FBXL7: variants seen among roughly 807,000 people sequenced by gnomAD.
FBXL7 encodes F-box/LRR-repeat protein 7.
FBXL7 carries 12 observed loss-of-function variants against 38.3 expected under a neutral mutation model. The observed-to-expected ratio is 0.31, with a 90% CI of 0.20 to 0.51. FBXL7 has a LOEUF of 0.51. Ranked by LOEUF, FBXL7 falls within the 20% of genes least tolerant of loss-of-function variation. FBXL7 has a pLI of 0.98. For missense variants in FBXL7, 567 were observed against 676.4 expected (o/e 0.84, Z 1.79); for synonymous variants, 297 against 300.9 (o/e 0.99, Z 0.13).
intron 2 of FBXL7, among the ~76,000 whole-genome samples, chr5:15,634,507 G>A (rs535536583): frequency 5.2e-5 from 4 of 77,110 alleles, no homozygotes; most frequent in Admixed American, 1.3e-4. Flanking sequence ...TTTTTAGTTG[G>A]GGGGGGGGTT....
intron 1 of FBXL7, among the ~76,000 whole-genome samples, chr5:15,529,167 A>G (rs766746374): frequency 6.6e-6 from 1 of 152,172 alleles, no homozygotes; most frequent in Admixed American, 6.5e-5. Flanking sequence ...GAGATCATGC[A>G]ATATTTGTCT....
intron 1 of FBXL7, among the ~76,000 whole-genome samples, chr5:15,535,487 A>G (rs893049419): frequency 2.6e-5 from 4 of 152,216 alleles, no homozygotes; most frequent in African/African-American, 9.6e-5. Flanking sequence ...CTTATTGTGA[A>G]CTGGAGTAAA....
At chr5:15,600,120 A>G (rs908887401) in intron 1 of FBXL7, among the ~76,000 whole-genome samples, 2 of 152,334 alleles carry the variant, frequency 1.3e-5, no homozygotes, top group South Asian at 4.1e-4. Context: ...AGGATTATCC[A>G]AGGGTGGTGT....
At position 15,764,105 on chromosome 5, in the gene FBXL7, A is replaced by G. The variant is rs138074557; in HGVS notation, c.127+148033A>G. Reference sequence around the variant, plus strand: ...CAGACAGACTCAAAAAAGCTTTACTATTTATCTGGGTATCTCCTAGTCCAG... The same window carrying G: ...CAGACAGACTCAAAAAAGCTTTACTGTTTATCTGGGTATCTCCTAGTCCAG... On this transcript the variant is annotated intron_variant, in intron 2 of 3. Coordinates refer to ENST00000504595, the MANE Select transcript of FBXL7 (RefSeq NM_012304.5). Among the ~76,000 whole-genome samples, 1,007 of 152,282 alleles carry G rather than the reference A, an allele frequency of 6.6e-3. 12 individuals carry two copies. The highest frequency in any genetic ancestry group is 0.023 in the African/African-American group (950 of 41,556).
Position 15,616,075 on chromosome 5 carries a change from A to G in FBXL7, c.127+3A>G, listed in dbSNP as rs1740441322. On this transcript the variant is annotated splice_donor_region_variant and intron_variant, in intron 2 of 3. Coordinates refer to ENST00000504595, the MANE Select transcript of FBXL7 (RefSeq NM_012304.5). ...GAAGAATGTGGCTACCAGCGAAGGT[A>G]GGCAGCTGGTCTTCATTATCTCTCT... 1 of 1,603,414 alleles carries G rather than the reference A, an allele frequency of 6.2e-7. No individual in the cohort carries two copies. Among genetic ancestry groups the G allele is most frequent in the South Asian group, 1.1e-5 (1 of 90,786 alleles).
chr5:15,738,310 G>A (rs537020023), intron 2 of FBXL7, among the ~76,000 whole-genome samples: 36 of 152,280 alleles, frequency 2.4e-4, no homozygotes, highest in African/African-American at 7.7e-4. Context: ...TGCTTTATGA[G>A]CAACACAGTG....
intron 2 of FBXL7, among the ~76,000 whole-genome samples, chr5:15,863,146 C>T (rs972462330): frequency 5.9e-5 from 9 of 152,248 alleles, no homozygotes; most frequent in East Asian, 1.9e-4. Flanking sequence ...AGGTAGCAGA[C>T]GTCCACTCTA....
At chr5:15,540,351 ATTC>A (rs958276785) in intron 1 of FBXL7, among the ~76,000 whole-genome samples, 16 of 152,262 alleles carry the variant, frequency 1.1e-4, no homozygotes, top group African/African-American at 3.8e-4. Flanking sequence ...TTGTTTGTTC[ATTC>A]TTCTAAGACA....
chr5:15,788,229 C>T (rs180763185), intron 2 of FBXL7, among the ~76,000 whole-genome samples: 29 of 152,226 alleles, frequency 1.9e-4, no homozygotes, highest in Non-Finnish European at 3.2e-4. Context: ...ATTCTGTTTC[C>T]AAAGAAGGTC....
chr5:15,710,865 G>A (rs1040518024), intron 2 of FBXL7, among the ~76,000 whole-genome samples: 1 of 152,110 alleles, frequency 6.6e-6, no homozygotes, highest in Non-Finnish European at 1.5e-5. Flanking sequence ...ACCTGGAGGG[G>A]AGTGATATGG....
chr5:15,722,042 C>T (rs1744209298), intron 2 of FBXL7, among the ~76,000 whole-genome samples: 1 of 152,092 alleles, frequency 6.6e-6, no homozygotes. Context: ...ATCATATTGG[C>T]CAGGCTGGTC....
At chr5:15,672,177 TC>T (rs1211177134) in intron 2 of FBXL7, among the ~76,000 whole-genome samples, 15 of 152,320 alleles carry the variant, frequency 9.8e-5, no homozygotes, top group African/African-American at 3.4e-4. Context: ...ACTCTCTGTG[TC>T]TTTGTAGGTA....
chr5:15,675,638 G>T (rs1742628405), intron 2 of FBXL7, among the ~76,000 whole-genome samples: 3 of 152,316 alleles, frequency 2.0e-5, no homozygotes, highest in African/African-American at 4.8e-5. Flanking sequence ...TCCCACCACT[G>T]ATCACAGATT....
At chr5:15,732,185 T>C (rs1735606180) in intron 2 of FBXL7, among the ~76,000 whole-genome samples, 1 of 152,242 alleles carries the variant, frequency 6.6e-6, no homozygotes, top group Non-Finnish European at 1.5e-5. Context: ...ATTCCACAGA[T>C]GTGCTTATTT....
chr5:15,928,634 C>A lies in FBXL7; in HGVS notation c.739+133C>A. Reference sequence around the variant, plus strand: ...TGGGGGCGGGTGGTAGGGAGGCTGGCTTTTGCAGAGAAACTGTCTCTATGG... The same window carrying A: ...TGGGGGCGGGTGGTAGGGAGGCTGGATTTTGCAGAGAAACTGTCTCTATGG... On this transcript the variant is annotated intron_variant, in intron 3 of 3. Coordinates refer to ENST00000504595, the MANE Select transcript of FBXL7 (RefSeq NM_012304.5). The surrounding 1 kb of genome is among the most constrained non-coding windows in gnomAD (Gnocchi z 4.0). 8.6e-7 allele frequency: 1 copy of A among 1,166,820 alleles called. No homozygotes were observed. Among genetic ancestry groups the A allele is most frequent in the Non-Finnish European group, 1.2e-6 (1 of 836,468 alleles). The allele number at this position is 1,166,820 out of a possible 1,614,324, so 72.3% of individuals were successfully genotyped here. A position where few individuals can be genotyped will look rare whatever the true frequency, so the allele number is the denominator to read the frequency against.
At chr5:15,783,976 C>T (rs1159210111) in intron 2 of FBXL7, among the ~76,000 whole-genome samples, 1 of 152,200 alleles carries the variant, frequency 6.6e-6, no homozygotes, top group East Asian at 1.9e-4. Flanking sequence ...CTGAGAGTTT[C>T]CTATCAGCAG....
At chr5:15,686,278 A>G (rs1743013896) in intron 2 of FBXL7, among the ~76,000 whole-genome samples, 1 of 152,236 alleles carries the variant, frequency 6.6e-6, no homozygotes, top group Admixed American at 6.5e-5. Flanking sequence ...CTTCAGGATC[A>G]TAAAGGAATA....
chr5:15,799,891 A>C (rs1737516259), intron 2 of FBXL7, among the ~76,000 whole-genome samples: 1 of 151,276 alleles, frequency 6.6e-6, no homozygotes, highest in Non-Finnish European at 1.5e-5. Context: ...CCCAACTATC[A>C]CTCTCAGCAG....
At chr5:15,796,279 G>T (rs2126736260) in intron 2 of FBXL7, among the ~76,000 whole-genome samples, 1 of 152,256 alleles carries the variant, frequency 6.6e-6, no homozygotes, top group South Asian at 2.1e-4. Flanking sequence ...TCTAACATTA[G>T]AGGGTGGAAA....
Sources: gnomAD v4.1 joint callset for allele counts (sites outside exome capture counted in the v4.1 genomes callset) on GRCh38, gnomAD v4.1.1 for gene constraint, Gnocchi (gnomAD v3.1) non-coding constraint, MANE v1.5 for transcripts, NCBI Gene and HGNC (gene_info 2026-07-23, HGNC 2026-07-21) for gene names.